BCAS3: variants seen among roughly 807,000 people sequenced by gnomAD.
The protein encoded by BCAS3 is BCAS3 microtubule associated cell migration factor.
In BCAS3, 53 loss-of-function variants were observed where a neutral mutation model predicts 116.1. The observed-to-expected ratio is 0.46, with a 90% CI of 0.37 to 0.57. The LOEUF is 0.57. Among genes scored for constraint, BCAS3 ranks in the 20% least tolerant of loss-of-function variants. The pLI is 0.00. For synonymous variants in BCAS3, 391 were observed against 408.2 expected (o/e 0.96, Z 0.51); for missense variants, 917 against 1,165.4 (o/e 0.79, Z 3.10).
At chr17:61,287,254 A>AC (rs1198259011) in intron 22 of BCAS3, among the ~76,000 whole-genome samples, 1 of 151,566 alleles carries the variant, frequency 6.6e-6, no homozygotes, top group Non-Finnish European at 1.5e-5. Context: ...AAAAAAAAAA[A>AC]AAACTCTATG....
At position 61,323,659 on chromosome 17, in the gene BCAS3, C is replaced by T. The variant is rs1018150895; in HGVS notation, c.2426-44668C>T. On this transcript the variant is annotated intron_variant, in intron 22 of 23. Coordinates refer to ENST00000407086, the MANE Select transcript of BCAS3 (RefSeq NM_017679.5). The surrounding 1 kb of genome is among the most constrained non-coding windows in gnomAD (Gnocchi z 4.6). Reference sequence around the variant, plus strand: ...ATTGGTGACCAAGGGTCTCCAGTTCCTTCCTCCATATGGCATCTCTGTCAA... The same window carrying T: ...ATTGGTGACCAAGGGTCTCCAGTTCTTTCCTCCATATGGCATCTCTGTCAA... Among the ~76,000 whole-genome samples the T allele has an allele frequency of 6.6e-6, 1 of 152,182 alleles. No homozygotes were observed. Among genetic ancestry groups the T allele is most frequent in the Non-Finnish European group, 1.5e-5 (1 of 68,036 alleles).
chr17:60,925,495 A>C (rs1012134950), intron 13 of BCAS3, among the ~76,000 whole-genome samples: 3 of 152,078 alleles, frequency 2.0e-5, no homozygotes, highest in African/African-American at 7.2e-5. Context: ...ATTAACAAGT[A>C]CTCTACAGTA....
At chr17:60,795,944 C>G (rs1324101639) in intron 6 of BCAS3, among the ~76,000 whole-genome samples, 4 of 152,156 alleles carry the variant, frequency 2.6e-5, no homozygotes, top group Admixed American at 2.6e-4. Context: ...CCCACCTCGG[C>G]CTCCCAAAGT....
rs538066213 is a variant in BCAS3 at position 61,333,689 on chromosome 17, C to T, written c.2426-34638C>T. Among the ~76,000 whole-genome samples the T allele has an allele frequency of 2.1e-4, 32 of 150,546 alleles. No homozygotes were observed. Among genetic ancestry groups the T allele is most frequent in the Non-Finnish European group, 3.2e-4 (22 of 67,802 alleles). On this transcript the variant is annotated intron_variant, in intron 22 of 23. Coordinates refer to ENST00000407086, the MANE Select transcript of BCAS3 (RefSeq NM_017679.5). The surrounding 1 kb of genome is among the most constrained non-coding windows in gnomAD (Gnocchi z 4.8). ...AGGCTGGAGTGCAGTGGTGCGATCT[C>T]GGCTCACTGCAACCTCTGCCTCCCA...
intron 7 of BCAS3, among the ~76,000 whole-genome samples, chr17:60,865,606 A>G (rs2054529024): frequency 6.6e-6 from 1 of 152,266 alleles, no homozygotes; most frequent in South Asian, 2.1e-4. Flanking sequence ...TATGTAGACC[A>G]TGAATTCTGC....
rs774481387 is a variant in BCAS3 at position 61,015,763 on chromosome 17, G to A, written c.1499G>A (p.Ser500Asn). Reference sequence around the variant, plus strand: ...TTTCTCTTTGTAGGGAAACTGAACAGCCAAGACTCCTATAACAATTTTACC... The same window carrying A: ...TTTCTCTTTGTAGGGAAACTGAACAACCAAGACTCCTATAACAATTTTACC... ...SGSPLHGKLN[S>N]QDSYNNFTNN... Residue 500 changes from serine to asparagine, a missense_variant, in exon 16 of 24, where the codon AGC (serine) becomes AAC (asparagine). By Grantham distance (46) the Ser-to-Asn change is conservative. This residue lies in a region of BCAS3 where 807 missense variants were observed against 1,026.0 expected (regional missense o/e 0.79). Transcript: ENST00000407086. 7 of 1,613,786 alleles carry A rather than the reference G, an allele frequency of 4.3e-6. No individual in the cohort carries two copies. The South Asian group carries it at 5.5e-5, about 13-fold the overall frequency.
chr17:61,067,271 GTGTATATATATATATATA>G (rs1457514442), intron 19 of BCAS3, among the ~76,000 whole-genome samples: 5 of 55,110 alleles, frequency 9.1e-5, no homozygotes, highest in African/African-American at 3.7e-4. Flanking sequence ...ATGTGTGTAT[GTGTATATATATATATATA>G]TATATATATA....
rs959547104 is a variant in BCAS3 at position 61,233,979 on chromosome 17, GT to G, written c.2426-134335del. Among the ~76,000 whole-genome samples, 314 of 140,130 alleles carry G rather than the reference GT, an allele frequency of 2.2e-3. No individual in the cohort carries two copies. Among genetic ancestry groups the G allele is most frequent in the Non-Finnish European group, 2.8e-3 (177 of 63,788 alleles). 91.9% of individuals were successfully genotyped at this position (140,130 alleles called of 152,430 possible). A position where few individuals can be genotyped will look rare whatever the true frequency, so the allele number is the denominator to read the frequency against. On this transcript the variant is annotated intron_variant, in intron 22 of 23. Coordinates refer to ENST00000407086, the MANE Select transcript of BCAS3 (RefSeq NM_017679.5). This position sits in a 1 kb window ranked among gnomAD's most constrained non-coding sequence, Gnocchi z 4.3. ...TTGAGTATTACTAATATCAGGTTTG[GT>G]TTTTTTTTTTTTCACTTAGTACCCA... is the stretch of plus-strand genomic sequence containing the variant.
At chr17:61,297,322 G>A (rs942030055) in intron 22 of BCAS3, among the ~76,000 whole-genome samples, 1 of 152,138 alleles carries the variant, frequency 6.6e-6, no homozygotes. Flanking sequence ...TCACTTTGGA[G>A]CATACTGAGT....
chr17:61,050,738 A>G (rs1330238256), intron 19 of BCAS3, among the ~76,000 whole-genome samples: 1 of 152,056 alleles, frequency 6.6e-6, no homozygotes, highest in Non-Finnish European at 1.5e-5. Flanking sequence ...TTCTAACTGT[A>G]TGCTACTTAT....
chr17:60,692,553 A>G (rs1038713254), intron 4 of BCAS3, among the ~76,000 whole-genome samples: 1 of 151,990 alleles, frequency 6.6e-6, no homozygotes, highest in African/African-American at 2.4e-5. Context: ...AACAGAGGGA[A>G]CTTTATTATC....
intron 22 of BCAS3, among the ~76,000 whole-genome samples, chr17:61,317,579 C>T (rs921937545): frequency 2.0e-5 from 3 of 152,118 alleles, no homozygotes; most frequent in East Asian, 1.9e-4. Context: ...GAGGGCTCGG[C>T]GTAGAGACCT....
chr17:61,306,454 C>A (rs2053866701), intron 22 of BCAS3, among the ~76,000 whole-genome samples: 1 of 152,130 alleles, frequency 6.6e-6, no homozygotes, highest in African/African-American at 2.4e-5. Flanking sequence ...TACTCAATAG[C>A]ACCAAATATT....
At position 61,251,511 on chromosome 17, in the gene BCAS3, A is replaced by G. The variant is rs533739640; in HGVS notation, c.2426-116816A>G. On this transcript the variant is annotated intron_variant, in intron 22 of 23. Coordinates refer to ENST00000407086, the MANE Select transcript of BCAS3 (RefSeq NM_017679.5). The surrounding 1 kb of genome is among the most constrained non-coding windows in gnomAD (Gnocchi z 4.7). Reference sequence around the variant, plus strand: ...CTTGAACGCGGGATGCAGAGGTTGCAGTGAGCCGAGATTGCGCCATTCCAC... The same window carrying G: ...CTTGAACGCGGGATGCAGAGGTTGCGGTGAGCCGAGATTGCGCCATTCCAC... 6.6e-6 allele frequency among the ~76,000 whole-genome samples: 1 copy of G among 152,042 alleles called. No individual in the cohort carries two copies. The highest frequency in any genetic ancestry group is 1.9e-4 in the East Asian group (1 of 5,172).
At chr17:60,789,834 A>G (rs1052966114) in intron 6 of BCAS3, among the ~76,000 whole-genome samples, 2 of 152,186 alleles carry the variant, frequency 1.3e-5, no homozygotes, top group African/African-American at 4.8e-5. Context: ...TAATAGCTAC[A>G]ATGTTCATGA....
intron 6 of BCAS3, among the ~76,000 whole-genome samples, chr17:60,786,899 T>C (rs2046332919): frequency 1.3e-5 from 2 of 152,200 alleles, no homozygotes; most frequent in Admixed American, 1.3e-4. Flanking sequence ...TTACTTTTTA[T>C]TCTAATGTGT....
rs2059586357 is a variant in BCAS3, at chr17:61,381,180, C to T, written c.2594-10797C>T. Among the ~76,000 whole-genome samples, 1 of 152,244 alleles carries T rather than the reference C, an allele frequency of 6.6e-6. No individual in the cohort carries two copies. Among genetic ancestry groups the T allele is most frequent in the African/African-American group, 2.4e-5 (1 of 41,462 alleles). On this transcript the variant is annotated intron_variant, in intron 23 of 23. Transcript: ENST00000407086. This position sits in a 1 kb window ranked among gnomAD's most constrained non-coding sequence, Gnocchi z 6.0. ...CACGGGAGGACTGACAGAACAAATG[C>T]ACTTCCACCCGACAGGCAAATCGAT...
chr17:61,303,993 C>T (rs754090655), intron 22 of BCAS3, among the ~76,000 whole-genome samples: 1 of 152,170 alleles, frequency 6.6e-6, no homozygotes, highest in Non-Finnish European at 1.5e-5. Context: ...TTTTCTGAAT[C>T]CCAGTCTGTA....
At position 61,315,255 on chromosome 17, in the gene BCAS3, TA is replaced by T. The variant is rs2054631056; in HGVS notation, c.2426-53071del. Among the ~76,000 whole-genome samples, 1 of 151,982 alleles carries T rather than the reference TA, an allele frequency of 6.6e-6. No individual in the cohort carries two copies. Among genetic ancestry groups the T allele is most frequent in the African/African-American group, 2.4e-5 (1 of 41,396 alleles). ...TCAGCCTCCCAAGTAGCTGGGATTA[TA>T]GGCGCCCACCACCACACCCGGCTAA... On this transcript the variant is annotated intron_variant, in intron 22 of 23. Coordinates refer to ENST00000407086, the MANE Select transcript of BCAS3 (RefSeq NM_017679.5). The surrounding 1 kb of genome is among the most constrained non-coding windows in gnomAD (Gnocchi z 5.3).
Sources: allele counts gnomAD v4.1 joint callset (sites outside exome capture counted in the v4.1 genomes callset), GRCh38; gene constraint gnomAD v4.1.1; regional missense constraint gnomAD v4.1.1; non-coding constraint Gnocchi (gnomAD v3.1); transcripts MANE v1.5; gene names NCBI Gene and HGNC (gene_info 2026-07-23, HGNC 2026-07-21).